ITPR2: variants seen among roughly 807,000 people sequenced by gnomAD.
The protein encoded by ITPR2 is inositol 1,4,5-trisphosphate-gated calcium channel ITPR2.
ITPR2 carries 207 observed loss-of-function variants against 317.1 expected under a neutral mutation model. The observed-to-expected ratio is 0.65, with a 90% confidence interval of 0.58 to 0.73. The LOEUF (loss-of-function observed/expected upper bound fraction) is 0.73. Ranked by LOEUF, ITPR2 falls within the 30% of genes least tolerant of loss-of-function variation. The pLI is 0.00. For missense variants in ITPR2, 2,613 were observed against 3,284.0 expected (o/e 0.80, Z 4.99); for synonymous variants, 1,156 against 1,149.1 (o/e 1.01, Z -0.12).
In ITPR2 at chr12:26,556,564, TTTTGTGTG is replaced by T. The variant is rs1296760975; in HGVS notation, c.4822-197_4822-190del. Among the ~76,000 whole-genome samples the T allele has an allele frequency of 2.4e-3, 264 of 111,694 alleles. 2 individuals are homozygous for T. Among genetic ancestry groups the T allele is most frequent in the African/African-American group, 7.0e-3 (239 of 34,074 alleles). 73.3% of individuals were successfully genotyped at this position (111,694 alleles called of 152,430 possible). On this transcript the variant is annotated intron_variant, in intron 35 of 56. Coordinates refer to ENST00000381340, the MANE Select transcript of ITPR2 (RefSeq NM_002223.4). ...ATATTGCCTGGGTCTCTATTTTTTT[TTTTGTGTG>T]TGTGTGTGTGTGTGTGTGTGTGTTT...
At chr12:26,516,635 C>A (rs1359973721) in intron 37 of ITPR2, among the ~76,000 whole-genome samples, 1 of 152,082 alleles carries the variant, frequency 6.6e-6, no homozygotes, top group Non-Finnish European at 1.5e-5. Context: ...TTTTTATATG[C>A]ACTTTTTAAC....
At chr12:26,518,979 A>C (rs1026135594) in intron 37 of ITPR2, among the ~76,000 whole-genome samples, 1 of 152,158 alleles carries the variant, frequency 6.6e-6, no homozygotes, top group Non-Finnish European at 1.5e-5. Flanking sequence ...AATTTATCAA[A>C]ATTGAACCCA....
chr12:26,622,117 T>A, intron 25 of ITPR2, 123 bp downstream of exon 25: 1 of 759,620 alleles, frequency 1.3e-6, no homozygotes, highest in Non-Finnish European at 2.0e-6. Context: ...TGTTTAAAAA[T>A]AGAAAGTGTC....
chr12:26,784,354 T>C (rs61920581), intron 2 of ITPR2, among the ~76,000 whole-genome samples: 10 of 29,322 alleles, frequency 3.4e-4, no homozygotes, highest in Admixed American at 1.1e-3. Flanking sequence ...CCTCTCCCTC[T>C]CCCTCTCCCT....
intron 37 of ITPR2, among the ~76,000 whole-genome samples, chr12:26,545,360 G>T (rs1398584822): frequency 6.6e-6 from 1 of 152,034 alleles, no homozygotes; most frequent in Non-Finnish European, 1.5e-5. Flanking sequence ...AGTAGGACGA[G>T]ATGTGACAAT....
At chr12:26,813,373 CAAGAT>C (rs1950789683) in intron 1 of ITPR2, among the ~76,000 whole-genome samples, 1 of 152,120 alleles carries the variant, frequency 6.6e-6, no homozygotes, top group Non-Finnish European at 1.5e-5. Flanking sequence ...TTCATAGACA[CAAGAT>C]AAGCTACTTG....
intron 51 of ITPR2, among the ~76,000 whole-genome samples, chr12:26,414,678 C>T (rs576617597): frequency 6.6e-6 from 1 of 152,102 alleles, no homozygotes; most frequent in Admixed American, 6.6e-5. Context: ...TAAAGCCTAA[C>T]ACCACAGGAA....
chr12:26,708,868 C>A (rs557577796), intron 9 of ITPR2, among the ~76,000 whole-genome samples: 2 of 152,052 alleles, frequency 1.3e-5, no homozygotes, highest in Non-Finnish European at 2.9e-5. Context: ...ATCACACGTG[C>A]CCCATAAGTG....
chr12:26,567,990 ATATATATTATATATATTATATATAT>A (rs1945041831), intron 34 of ITPR2, among the ~76,000 whole-genome samples: 2 of 7,302 alleles, frequency 2.7e-4, no homozygotes, highest in African/African-American at 5.0e-4. Context: ...ATATATATAT[ATATATATTATATATATTATATATAT>A]ATATATATAT....
chr12:26,666,131 G>GA lies in ITPR2; in HGVS notation c.1410-81_1410-80insT, dbSNP rs1947622771. The GA allele has an allele frequency of 6.4e-5, 20 of 312,506 alleles. No homozygotes were observed. In the Admixed American group the frequency reaches 7.6e-4, roughly 12 times the overall value. The allele number at this position is 312,506 out of a possible 1,614,324, so 19.4% of individuals were successfully genotyped here. A position where few individuals can be genotyped will look rare whatever the true frequency, so the allele number is the denominator to read the frequency against. Reference sequence around the variant, plus strand: ...TGTATAGATAGATGATAGGTAGGTAGGTAGAGATAGATAGATAGATAGATA... The same window carrying GA: ...TGTATAGATAGATGATAGGTAGGTAGAGTAGAGATAGATAGATAGATAGATA... On this transcript the variant is annotated intron_variant, in intron 13 of 56. Coordinates refer to ENST00000381340, the MANE Select transcript of ITPR2 (RefSeq NM_002223.4).
At chr12:26,739,456 C>T (rs1364022701) in intron 2 of ITPR2, among the ~76,000 whole-genome samples, 2 of 152,164 alleles carry the variant, frequency 1.3e-5, no homozygotes, top group African/African-American at 2.4e-5. Flanking sequence ...AATACTACTA[C>T]CAAAAACAAA....
chr12:26,551,036 C>T (rs1944513004), intron 36 of ITPR2, among the ~76,000 whole-genome samples: 1 of 152,072 alleles, frequency 6.6e-6, no homozygotes, highest in Admixed American at 6.6e-5. Flanking sequence ...GATCACCATC[C>T]CCAAGAACTT....
At chr12:26,349,243 G>A (rs942908079) in intron 55 of ITPR2, among the ~76,000 whole-genome samples, 1 of 152,204 alleles carries the variant, frequency 6.6e-6, no homozygotes, top group South Asian at 2.1e-4. Flanking sequence ...GGGAAGAAGA[G>A]TAAGAGTGAA....
chr12:26,670,374 G>C (rs1947737667), intron 13 of ITPR2, among the ~76,000 whole-genome samples: 1 of 152,192 alleles, frequency 6.6e-6, no homozygotes. Context: ...CGATCAGACA[G>C]CAGCACTCAC....
intron 21 of ITPR2, among the ~76,000 whole-genome samples, chr12:26,643,097 C>T (rs1185542902): frequency 6.6e-6 from 1 of 152,164 alleles, no homozygotes; most frequent in East Asian, 1.9e-4. Context: ...ATTCCCCTTG[C>T]CCCTTTCCCC....
chr12:26,734,695 G>C (rs1344113012), intron 2 of ITPR2, among the ~76,000 whole-genome samples: 3 of 151,106 alleles, frequency 2.0e-5, no homozygotes, highest in African/African-American at 7.3e-5. Context: ...GCAATATTTA[G>C]AGTAAAGAAC....
chr12:26,585,606 T>C (rs1945506434), intron 32 of ITPR2, among the ~76,000 whole-genome samples: 2 of 152,112 alleles, frequency 1.3e-5, no homozygotes, highest in Admixed American at 6.5e-5. Flanking sequence ...GGTTTCGCCA[T>C]GTTTCCCAGG....
chr12:26,767,871 T>TA (rs1267676770), intron 2 of ITPR2, among the ~76,000 whole-genome samples: 2 of 152,260 alleles, frequency 1.3e-5, no homozygotes, highest in African/African-American at 4.8e-5. Context: ...CAACATTATT[T>TA]ATACTTATCA....
rs771257275 is a variant in ITPR2, at chr12:26,654,151, AG to A, written c.2590-26del. 73 of 1,435,148 alleles carry A rather than the reference AG, an allele frequency of 5.1e-5. 1 individual carries two copies. In the Admixed American group the frequency reaches 6.2e-4, roughly 12 times the overall value. The allele number at this position is 1,435,148 out of a possible 1,614,324, so 88.9% of individuals were successfully genotyped here. ...CCTTAATAAAAAAAAAAAAGCGGGG[AG>A]GGGGAGGGTGAAAGAGTGGAAAAAA... On this transcript the variant is annotated intron_variant, in intron 20 of 56. Transcript: ENST00000381340.
Sources: allele counts gnomAD v4.1 joint callset (sites outside exome capture counted in the v4.1 genomes callset), GRCh38; gene constraint gnomAD v4.1.1; transcripts MANE v1.5; gene names NCBI Gene and HGNC (gene_info 2026-07-23, HGNC 2026-07-21).